Variants in MARCHF1 observed in about 807,000 individuals in gnomAD.
The protein encoded by MARCHF1 is E3 ubiquitin-protein ligase MARCHF1.
In MARCHF1, 40 loss-of-function variants were observed where a neutral mutation model predicts 54.2. The ratio of observed to expected loss-of-function variants is 0.74; its 90% CI spans 0.57 to 0.96. The LOEUF (loss-of-function observed/expected upper bound fraction) is 0.96, where lower values mean the gene tolerates loss of function less well. MARCHF1 is among the 40% of genes least tolerant of loss of function. MARCHF1 has a pLI of 0.00. For synonymous variants in MARCHF1, 236 were observed against 236.3 expected, an observed-to-expected ratio of 1.00 and a Z score of 0.01; for missense variants, 586 against 656.5, an observed-to-expected ratio of 0.89 and a Z score of 1.17.
intron 1 of MARCHF1, among the ~76,000 whole-genome samples, chr4:164,288,214 T>C (rs1734198110): frequency 3.5e-5 from 1 of 28,380 alleles, no homozygotes; most frequent in African/African-American, 1.1e-4. Flanking sequence ...GTGCAAAGGA[T>C]TGAGAAAAAA....
chr4:163,806,335 G>A (rs1277926162), intron 4 of MARCHF1, among the ~76,000 whole-genome samples: 17 of 152,104 alleles, frequency 1.1e-4, no homozygotes, highest in African/African-American at 4.8e-5. Flanking sequence ...TCTCAAAAAA[G>A]GAAACAAAGT....
At chr4:163,613,273 A>G (rs767087269) in intron 6 of MARCHF1, 41 bp downstream of exon 6, 4 of 1,550,564 alleles carry the variant, frequency 2.6e-6, no homozygotes, top group Non-Finnish European at 3.5e-6. Context: ...ACGAATATTG[A>G]TCCAAAGAAT....
intron 3 of MARCHF1, among the ~76,000 whole-genome samples, chr4:163,970,546 T>A (rs1184543161): frequency 6.6e-6 from 1 of 152,202 alleles, no homozygotes; most frequent in Non-Finnish European, 1.5e-5. Context: ...GAGAAAACAG[T>A]AATGTTAAGT....
intron 1 of MARCHF1, among the ~76,000 whole-genome samples, chr4:164,153,016 G>A (rs1210104147): frequency 3.3e-5 from 5 of 152,050 alleles, no homozygotes; most frequent in African/African-American, 1.2e-4. Context: ...TTGGGCACAT[G>A]TTCTCAGAAC....
chr4:163,732,840 G>A (rs1473179700), intron 4 of MARCHF1, among the ~76,000 whole-genome samples: 7 of 151,980 alleles, frequency 4.6e-5, no homozygotes, highest in Non-Finnish European at 1.0e-4. Context: ...TTCACCCCCA[G>A]CAGACTTACA....
At chr4:164,200,261 C>G (rs747046276) in intron 1 of MARCHF1, among the ~76,000 whole-genome samples, 1 of 152,194 alleles carries the variant, frequency 6.6e-6, no homozygotes, top group Non-Finnish European at 1.5e-5. Context: ...TGGCAAGATG[C>G]AAGATATCAT....
intron 4 of MARCHF1, among the ~76,000 whole-genome samples, chr4:163,759,631 TTG>T (rs1746774574): frequency 6.6e-6 from 1 of 152,232 alleles, no homozygotes; most frequent in Non-Finnish European, 1.5e-5. Flanking sequence ...TGAAATGAAC[TTG>T]GCATAATCAA....
chr4:164,351,497 G>A (rs1440587558), intron 1 of MARCHF1, among the ~76,000 whole-genome samples: 2 of 151,592 alleles, frequency 1.3e-5, no homozygotes, highest in African/African-American at 4.8e-5. Flanking sequence ...CCCCAGCAGG[G>A]GCACACTGAC....
At position 164,288,635 on chromosome 4, in the gene MARCHF1, GATAAT is replaced by G. The variant is rs550182122; in HGVS notation, c.-323+95230_-323+95234del. On this transcript the variant is annotated intron_variant, in intron 1 of 9. Transcript: ENST00000514618. Reference sequence around the variant, plus strand: ...AGCTAGATTAAATGCCATACTAGAAGATAATATAATAAATAATAGATTTCCCTCAA... The same window carrying G: ...AGCTAGATTAAATGCCATACTAGAAGATAATAAATAATAGATTTCCCTCAA... Among the ~76,000 whole-genome samples, 198 of 152,112 alleles carry G rather than the reference GATAAT, an allele frequency of 1.3e-3. 2 individuals are homozygous for G. The highest frequency in any genetic ancestry group is 4.4e-3 in the African/African-American group (182 of 41,526).
intron 3 of MARCHF1, among the ~76,000 whole-genome samples, chr4:163,949,942 T>C (rs767919997): frequency 6.6e-5 from 10 of 152,182 alleles, no homozygotes; most frequent in Non-Finnish European, 1.2e-4. Flanking sequence ...CCCCTCTCCA[T>C]AGGCAGGTCG....
At chr4:164,046,231 T>C (rs1389203874) in intron 2 of MARCHF1, among the ~76,000 whole-genome samples, 1 of 152,250 alleles carries the variant, frequency 6.6e-6, no homozygotes, top group African/African-American at 2.4e-5. Flanking sequence ...TACTGGACTG[T>C]CAACAAATCT....
In MARCHF1 at chr4:163,527,776, A is replaced by G. The variant is rs1738177851; in HGVS notation, c.*972T>C. 2 of 152,214 alleles carry G rather than the reference A, an allele frequency of 1.3e-5. No homozygotes were observed. The allele number at this position is 152,214 out of a possible 1,614,324, so 9.4% of individuals were successfully genotyped here. A position where few individuals can be genotyped will look rare whatever the true frequency, so the allele number is the denominator to read the frequency against. Reference sequence around the variant, plus strand: ...GTTGAAGTGTACTTTTAAATTACCAACTGGATTTTGAAAACTTGGTTCAAG... The same window carrying G: ...GTTGAAGTGTACTTTTAAATTACCAGCTGGATTTTGAAAACTTGGTTCAAG... On this transcript the variant is annotated 3_prime_UTR_variant, in exon 10 of 10. Coordinates refer to ENST00000514618, the MANE Select transcript of MARCHF1 (RefSeq NM_001394959.1).
At chr4:163,785,046 A>G (rs754830411) in intron 4 of MARCHF1, among the ~76,000 whole-genome samples, 3 of 152,122 alleles carry the variant, frequency 2.0e-5, no homozygotes, top group Non-Finnish European at 2.9e-5. Context: ...TGCAGAATGG[A>G]GAAATGCGTT....
At chr4:163,983,964 AT>A (rs34569444) in intron 3 of MARCHF1, among the ~76,000 whole-genome samples, 79,113 of 151,118 alleles carry the variant, frequency 0.52, 22,267 homozygotes, top group Middle Eastern at 0.68. Context: ...TTTACTAAAA[AT>A]TTTTTTTTAG....
At chr4:164,163,104 C>T (rs1344657467) in intron 1 of MARCHF1, among the ~76,000 whole-genome samples, 2 of 151,946 alleles carry the variant, frequency 1.3e-5, no homozygotes, top group East Asian at 1.9e-4. Context: ...AATAGAATTA[C>T]TCAATTAAAA....
chr4:163,779,100 T>A (rs1025104291), intron 4 of MARCHF1, among the ~76,000 whole-genome samples: 3 of 152,224 alleles, frequency 2.0e-5, no homozygotes, highest in Non-Finnish European at 4.4e-5. Flanking sequence ...ATTATCTAAG[T>A]TTTTATGAAC....
intron 1 of MARCHF1, among the ~76,000 whole-genome samples, chr4:164,187,190 GT>G (rs1730992279): frequency 6.6e-6 from 1 of 152,076 alleles, no homozygotes; most frequent in African/African-American, 2.4e-5. Context: ...TGACAGCTTT[GT>G]TCGAGGAAAT....
At chr4:164,099,797 T>G (rs1755499275) in intron 2 of MARCHF1, among the ~76,000 whole-genome samples, 2 of 152,194 alleles carry the variant, frequency 1.3e-5, no homozygotes, top group Admixed American at 1.3e-4. Context: ...AAAATATATG[T>G]ATAAATGCCT....
At chr4:164,296,379 T>C (rs1317187700) in intron 1 of MARCHF1, among the ~76,000 whole-genome samples, 1 of 152,196 alleles carries the variant, frequency 6.6e-6, no homozygotes, top group Non-Finnish European at 1.5e-5. Context: ...ATTTAATTAA[T>C]TAATTTTTCT....
Sources: allele counts gnomAD v4.1 joint callset (sites outside exome capture counted in the v4.1 genomes callset), GRCh38; gene constraint gnomAD v4.1.1; transcripts MANE v1.5; gene names NCBI Gene and HGNC (gene_info 2026-07-23, HGNC 2026-07-21).